The following ZNF18 variants were observed in gnomAD, a reference collection of about 807,000 sequenced individuals.
The protein encoded by ZNF18 is heart development-specific gene 1 protein.
In ZNF18, 42 loss-of-function variants were observed where a neutral mutation model predicts 58.1. That is an observed-to-expected ratio of 0.72 (90% CI 0.56 to 0.93). The LOEUF is 0.93. Among genes scored for constraint, ZNF18 ranks in the 40% least tolerant of loss-of-function variants. The probability of loss-of-function intolerance (pLI) is 0.00; values close to 1 mark genes in which losing one functional copy is unlikely to be tolerated. For missense variants in ZNF18, 540 were observed against 644.2 expected, an observed-to-expected ratio of 0.84 and a Z score of 1.75; for synonymous variants, 231 against 239.8, an observed-to-expected ratio of 0.96 and a Z score of 0.34.
rs535646297 is a variant in ZNF18, at chr17:11,985,268, A to G, written c.667-1071T>C. Reference sequence around the variant, plus strand: ...GTCTGCTTTCATGAATTCAAATTTCAGTCTTCTACCAAGAAGCTGACTATT... The same window carrying G: ...GTCTGCTTTCATGAATTCAAATTTCGGTCTTCTACCAAGAAGCTGACTATT... On this transcript the variant is annotated intron_variant, in intron 4 of 6. Coordinates refer to ENST00000580306, the MANE Select transcript of ZNF18 (RefSeq NM_001303281.2). 5.3e-5 allele frequency among the ~76,000 whole-genome samples: 8 copies of G among 152,338 alleles called. No homozygotes were observed. In the South Asian group the frequency reaches 1.7e-3, roughly 32 times the overall value.
At chr17:11,990,913 A>G in intron 3 of ZNF18, 61 bp downstream of exon 3, 1 of 1,538,276 alleles carries the variant, frequency 6.5e-7, no homozygotes, top group East Asian at 2.3e-5. Context: ...CAACTCACTT[A>G]GGCCTACTAA....
At chr17:12,004,576 T>C in the ZNF18 span, among the ~76,000 whole-genome samples, 4 of 151,984 alleles carry the variant, frequency 2.6e-5, no homozygotes, top group Non-Finnish European at 4.4e-5. Context: ...ATTTCAAATA[T>C]TAAGAAATCT....
intron 5 of ZNF18, 129 bp from the exon 6 acceptor site, chr17:11,983,536 C>A: frequency 1.5e-6 from 1 of 678,476 alleles, no homozygotes; most frequent in Non-Finnish European, 2.6e-6. Context: ...CAGAAACTCA[C>A]CTTAGAACAG....
chr17:11,991,652 T>C (rs9894361), intron 2 of ZNF18, among the ~76,000 whole-genome samples: 135,304 of 152,160 alleles, frequency 0.89, 62,297 homozygotes, highest in East Asian at 1. Context: ...TGGTAATTTC[T>C]TGAGGGACAG....
At chr17:12,012,455 T>A in the ZNF18 span, among the ~76,000 whole-genome samples, 3 of 152,350 alleles carry the variant, frequency 2.0e-5, no homozygotes, top group South Asian at 6.2e-4. Context: ...AACGTGAGAA[T>A]ATCTGTAAGA....
At chr17:11,993,008 A>G in intron 1 of ZNF18, 97 bp from the exon 2 acceptor site, 3 of 681,856 alleles carry the variant, frequency 4.4e-6, no homozygotes, top group Non-Finnish European at 7.2e-6. Context: ...CATGGGGTCA[A>G]CTATGGAGCT....
At chr17:12,010,956 T>C in the ZNF18 span, 12 of 698,806 alleles carry the variant, frequency 1.7e-5, no homozygotes, top group Non-Finnish European at 2.4e-5. Flanking sequence ...ATACACACAT[T>C]AATTCTCTTG....
At chr17:11,986,035 A>G (rs1967719011) in intron 4 of ZNF18, among the ~76,000 whole-genome samples, 1 of 152,196 alleles carries the variant, frequency 6.6e-6, no homozygotes, top group Admixed American at 6.5e-5. Flanking sequence ...ATTCCCATGT[A>G]TTGTGAGAGG....
chr17:12,008,513 T>C, the ZNF18 span, among the ~76,000 whole-genome samples: 1 of 152,278 alleles, frequency 6.6e-6, no homozygotes, highest in South Asian at 2.1e-4. Flanking sequence ...ACCATCCCTT[T>C]AGATCATGTT....
intron 6 of ZNF18, among the ~76,000 whole-genome samples, chr17:11,982,191 T>C (rs1283755760): frequency 6.6e-6 from 1 of 152,194 alleles, no homozygotes; most frequent in Non-Finnish European, 1.5e-5. Flanking sequence ...GAGAAATAAA[T>C]GTTTGTTGTT....
chr17:11,995,125 A>T (rs1234225324), intron 1 of ZNF18, among the ~76,000 whole-genome samples: 1 of 151,954 alleles, frequency 6.6e-6, no homozygotes, highest in Non-Finnish European at 1.5e-5. Flanking sequence ...AAAGAAACCC[A>T]GGTCTGAGCG....
At chr17:11,988,297 C>T (rs145207616) in intron 4 of ZNF18, among the ~76,000 whole-genome samples, 149 of 152,316 alleles carry the variant, frequency 9.8e-4, no homozygotes, top group Non-Finnish European at 1.9e-3. Context: ...AAAGCAAATT[C>T]AGTGAGCTCT....
chr17:12,017,501 C>T, the ZNF18 span, among the ~76,000 whole-genome samples: 2 of 152,172 alleles, frequency 1.3e-5, no homozygotes, highest in African/African-American at 4.8e-5. Context: ...GACCTTGTTT[C>T]TTTCCCAGAG....
chr17:11,982,697 T>C (rs1967448350), intron 6 of ZNF18, among the ~76,000 whole-genome samples: 1 of 148,590 alleles, frequency 6.7e-6, no homozygotes, highest in African/African-American at 2.5e-5. Flanking sequence ...TGTGTGTGTG[T>C]GTAGGTTTCG....
At chr17:11,989,400 T>C (rs1370345325) in intron 4 of ZNF18, among the ~76,000 whole-genome samples, 1 of 152,152 alleles carries the variant, frequency 6.6e-6, no homozygotes, top group African/African-American at 2.4e-5. Flanking sequence ...AGAATAATCA[T>C]TGATCAAAAC....
At chr17:11,979,213 G>A (rs1027827226) in intron 6 of ZNF18, among the ~76,000 whole-genome samples, 2 of 151,334 alleles carry the variant, frequency 1.3e-5, no homozygotes, top group South Asian at 4.2e-4. Context: ...TAACAACTAT[G>A]AGCATACATT....
chr17:11,993,407 C>T (rs1401921549), intron 1 of ZNF18: 2 of 152,316 alleles, frequency 1.3e-5, no homozygotes, highest in Admixed American at 1.3e-4. Context: ...CAAAAGTATA[C>T]CAAAAAGGTG....
At chr17:11,997,919 C>G (rs1968574574), upstream of ZNF18, among the ~76,000 whole-genome samples, 1 of 152,130 alleles carries the variant, frequency 6.6e-6, no homozygotes, top group Non-Finnish European at 1.5e-5. Context: ...ACTTGATTTG[C>G]CCCAACCTTC....
chr17:12,019,054 A>C, the ZNF18 span, among the ~76,000 whole-genome samples: 1 of 151,962 alleles, frequency 6.6e-6, no homozygotes, highest in African/African-American at 2.4e-5. Context: ...TCCCAGGTTC[A>C]AGCGATTCTC....
Sources: allele counts gnomAD v4.1 joint callset (sites outside exome capture counted in the v4.1 genomes callset), GRCh38; gene constraint gnomAD v4.1.1; transcripts MANE v1.5; gene names NCBI Gene and HGNC (gene_info 2026-07-23, HGNC 2026-07-21).